Variants in EZH2 observed in about 807,000 individuals in gnomAD.
EZH2 encodes the protein enhancer of zeste 2 polycomb repressive complex 2 subunit.
A neutral mutation model predicts 98.4 loss-of-function variants in EZH2; 18 were observed. The ratio of observed to expected loss-of-function variants is 0.18; its 90% confidence interval spans 0.13 to 0.27. The LOEUF (loss-of-function observed/expected upper bound fraction) is 0.27. EZH2 is among the 10% of genes least tolerant of loss of function. EZH2 has a pLI of 1.00. For synonymous variants in EZH2, 338 were observed against 312.3 expected (o/e 1.08, Z -0.87); for missense variants, 470 against 935.1 (o/e 0.50, Z 6.49).
chr7:148,813,052 T>TACACACACGCACACAC (rs944759975), intron 15 of EZH2, among the ~76,000 whole-genome samples: 1 of 132,108 alleles, frequency 7.6e-6, no homozygotes, highest in Non-Finnish European at 1.6e-5. Flanking sequence ...ACACCCCACA[T>TACACACACGCACACAC]ACACACACAC....
intron 3 of EZH2, among the ~76,000 whole-genome samples, chr7:148,844,238 G>A (rs866552075): frequency 6.6e-6 from 1 of 152,170 alleles, no homozygotes; most frequent in East Asian, 1.9e-4. Flanking sequence ...ATGCTTAAAC[G>A]AAAGAAAAAA....
At chr7:148,808,344 G>A (rs1165456728) in intron 19 of EZH2, among the ~76,000 whole-genome samples, 1 of 152,248 alleles carries the variant, frequency 6.6e-6, no homozygotes, top group Non-Finnish European at 1.5e-5. Context: ...CTGTGCAACA[G>A]CCATTAAAGG....
At chr7:148,816,965 T>C in intron 11 of EZH2, 187 bp from the exon 12 acceptor site, 1 of 597,810 alleles carries the variant, frequency 1.7e-6, no homozygotes, top group Middle Eastern at 4.4e-4. Flanking sequence ...GGTCAAGAAC[T>C]GTGATGCTAA....
chr7:148,868,121 T>C (rs1184987643), intron 1 of EZH2, among the ~76,000 whole-genome samples: 5 of 152,208 alleles, frequency 3.3e-5, no homozygotes, highest in Admixed American at 3.3e-4. Context: ...CCCTCCAAAC[T>C]GTACCAACCT....
At chr7:148,820,490 C>T (rs539440467) in intron 8 of EZH2, among the ~76,000 whole-genome samples, 1 of 128,394 alleles carries the variant, frequency 7.8e-6, no homozygotes, top group African/African-American at 3.0e-5. Flanking sequence ...GACATTTCCA[C>T]AAAACAAATC....
intron 4 of EZH2, among the ~76,000 whole-genome samples, chr7:148,830,772 G>A (rs912561566): frequency 3.9e-5 from 6 of 152,116 alleles, no homozygotes; most frequent in African/African-American, 1.4e-4. Context: ...GAATAGAATA[G>A]TTAAGCATAC....
chr7:148,818,479 T>C (rs1001579915), intron 9 of EZH2, among the ~76,000 whole-genome samples: 1 of 152,204 alleles, frequency 6.6e-6, no homozygotes, highest in African/African-American at 2.4e-5. Context: ...ACATACAGTC[T>C]ATTTAAAAGT....
At chr7:148,866,055 G>A (rs997738222) in intron 1 of EZH2, among the ~76,000 whole-genome samples, 3 of 152,098 alleles carry the variant, frequency 2.0e-5, no homozygotes, top group Admixed American at 6.6e-5. Context: ...ATCTTGCTAA[G>A]AACAGTAGTA....
chr7:148,817,772 TG>T lies in EZH2; in HGVS notation c.1240+104del, dbSNP rs752065417. On this transcript the variant is annotated intron_variant, in intron 10 of 19. Transcript: ENST00000320356. ...CTTGAGATAACTCTGGTCTTTATAC[TG>T]AAACTAACCAACTAAGAAAATTATT... is the stretch of plus-strand genomic sequence containing the variant. 23 of 1,482,902 alleles carry T rather than the reference TG, an allele frequency of 1.6e-5. No homozygotes were observed. In the African/African-American group the frequency reaches 3.0e-4, roughly 20 times the overall value. 91.9% of individuals were successfully genotyped at this position (1,482,902 alleles called of 1,614,324 possible). A position where few individuals can be genotyped will look rare whatever the true frequency, so the allele number is the denominator to read the frequency against.
rs2302427 is a variant in EZH2 at position 148,828,812 on chromosome 7, C to G, written c.553G>C (p.Asp185His). 118,808 of 1,612,676 alleles carry G rather than the reference C, an allele frequency of 0.074. 4,940 individuals carry two copies. Among genetic ancestry groups the G allele is most frequent in the East Asian group, 0.13 (5,701 of 44,792 alleles). The change falls in exon 6 of 20, where the codon GAC (aspartate) becomes CAC (histidine). Residue 185 changes from aspartate to histidine, a missense_variant. Coordinates refer to ENST00000320356, the MANE Select transcript of EZH2 (RefSeq NM_004456.5). Reference sequence around the variant, plus strand: ...GGATCGTCTCCATCATCATCATCGTCATCATCATTATATTGACCAAGGGCA... The same window carrying G: ...GGATCGTCTCCATCATCATCATCGTGATCATCATTATATTGACCAAGGGCA... ...VNALGQYNDD[D>H]DDDDGDDPEE... is the part of the protein sequence containing the mutation.
chr7:148,818,258 T>A, intron 9 of EZH2, 141 bp from the exon 10 acceptor site: 2 of 873,890 alleles, frequency 2.3e-6, no homozygotes, highest in African/African-American at 1.7e-5. Context: ...TTTGCATGTC[T>A]AATATACTTG....
chr7:148,871,735 T>TA (rs1344925747), intron 1 of EZH2, among the ~76,000 whole-genome samples: 1 of 152,010 alleles, frequency 6.6e-6, no homozygotes, highest in Non-Finnish European at 1.5e-5. Context: ...CCACCACACC[T>TA]AGCTAACTTT....
At chr7:148,857,072 A>G (rs771724205) in intron 1 of EZH2, among the ~76,000 whole-genome samples, 8 of 152,272 alleles carry the variant, frequency 5.3e-5, no homozygotes, top group Non-Finnish European at 1.0e-4. Context: ...ATGAAATGAG[A>G]TGGGGATTTC....
rs747782211 is a variant in EZH2 at position 148,818,095 on chromosome 7, G to A, written c.1022C>T (p.Ala341Val). Residue 341 changes from alanine to valine, a missense_variant, in exon 10 of 20, where the codon GCT (alanine) becomes GTT (valine). Physicochemically the swap from Ala to Val is moderately conservative, Grantham distance 64. Transcript: ENST00000320356. ...CTTTATCCGCTCAGCGGTGAGAGCA[G>A]CAGCAAACTCCTTTGCTCCCTCCTA... is the stretch of plus-strand genomic sequence containing the variant. ...QHLEGAKEFA[A>V]ALTAERIKTP... 1 of 1,597,258 alleles carries A rather than the reference G, an allele frequency of 6.3e-7. No individual in the cohort carries two copies. Among genetic ancestry groups the A allele is most frequent in the Non-Finnish European group, 8.5e-7 (1 of 1,172,392 alleles).
chr7:148,830,508 A>C (rs776387233), intron 4 of EZH2, among the ~76,000 whole-genome samples: 3 of 152,372 alleles, frequency 2.0e-5, no homozygotes, highest in Non-Finnish European at 2.9e-5. Flanking sequence ...TGAAAAAAAA[A>C]TGTAAGACAT....
At chr7:148,849,313 GAA>G (rs1815063430) in intron 1 of EZH2, among the ~76,000 whole-genome samples, 1 of 152,136 alleles carries the variant, frequency 6.6e-6, no homozygotes, top group Non-Finnish European at 1.5e-5. Flanking sequence ...AAAAGGCAAA[GAA>G]AGAACCTAAA....
chr7:148,866,500 ACGTATATACATATATATG>A (rs1340525093), intron 1 of EZH2, among the ~76,000 whole-genome samples: 1 of 118,520 alleles, frequency 8.4e-6, no homozygotes, highest in African/African-American at 2.9e-5. Flanking sequence ...AAATATATAT[ACGTATATACATATATATG>A]TGTATATACA....
intron 3 of EZH2, among the ~76,000 whole-genome samples, chr7:148,839,603 C>CT (rs1208712727): frequency 6.6e-6 from 1 of 151,128 alleles, no homozygotes; most frequent in Non-Finnish European, 1.5e-5. Flanking sequence ...GAGATTGAGT[C>CT]TTGTGATCTC....
intron 1 of EZH2, among the ~76,000 whole-genome samples, chr7:148,849,401 G>A (rs1563030838): frequency 6.6e-6 from 1 of 152,128 alleles, no homozygotes; most frequent in Non-Finnish European, 1.5e-5. Flanking sequence ...TAATAAGAAT[G>A]GACCTGGAGA....
Sources: gnomAD v4.1 joint callset for allele counts (sites outside exome capture counted in the v4.1 genomes callset) on GRCh38, gnomAD v4.1.1 for gene constraint, MANE v1.5 for transcripts, NCBI Gene and HGNC (gene_info 2026-07-23, HGNC 2026-07-21) for gene names.